Variants in ANGPT1 observed in about 807,000 individuals in gnomAD.
ANGPT1 encodes angiopoietin 1.
Under a neutral mutation model 62.2 loss-of-function variants are expected in ANGPT1, and 17 were observed. That is an observed-to-expected ratio of 0.27 (90% CI 0.19 to 0.41). The LOEUF (loss-of-function observed/expected upper bound fraction) is 0.41, where lower values mean the gene tolerates loss of function less well. ANGPT1 is among the 10% of genes least tolerant of loss of function. The pLI, the probability that ANGPT1 is intolerant of heterozygous loss-of-function variation, is 1.00. For synonymous variants in ANGPT1, 199 were observed against 198.9 expected, an observed-to-expected ratio of 1.00 and a Z score of 0.00; for missense variants, 478 against 594.9, an observed-to-expected ratio of 0.80 and a Z score of 2.04.
chr8:107,458,642 T>C (rs973889875), intron 1 of ANGPT1, among the ~76,000 whole-genome samples: 6 of 152,182 alleles, frequency 3.9e-5, no homozygotes, highest in Non-Finnish European at 7.3e-5. Context: ...AATGTTATAC[T>C]ATGTTTGATG....
intron 1 of ANGPT1, among the ~76,000 whole-genome samples, chr8:107,389,775 C>G (rs1251346096): frequency 6.6e-6 from 1 of 152,038 alleles, no homozygotes; most frequent in Admixed American, 6.6e-5. Flanking sequence ...ATGTATAGCA[C>G]AGAGTAAATT....
chr8:107,276,828 G>T lies in ANGPT1; in HGVS notation c.1205+7854C>A, dbSNP rs1813879085. ...AAATTACATCAAACTACTTCCCAAT[G>T]AAGATCTTGGCCAAAAACAAACTTG... On this transcript the variant is annotated intron_variant, in intron 7 of 8. Transcript: ENST00000517746. Among the ~76,000 whole-genome samples the T allele has an allele frequency of 2.6e-5, 4 of 152,112 alleles. No homozygotes were observed. In the South Asian group the frequency reaches 8.3e-4, roughly 32 times the overall value.
At chr8:107,290,615 T>A (rs954751061) in intron 6 of ANGPT1, among the ~76,000 whole-genome samples, 6 of 152,244 alleles carry the variant, frequency 3.9e-5, no homozygotes, top group Non-Finnish European at 7.3e-5. Context: ...TCTTGTAACA[T>A]ATGATGAATA....
chr8:107,420,066 AT>A (rs1486817141), intron 1 of ANGPT1, among the ~76,000 whole-genome samples: 1 of 152,224 alleles, frequency 6.6e-6, no homozygotes, highest in Non-Finnish European at 1.5e-5. Context: ...CTCAGATACC[AT>A]GAAGCTTTTA....
chr8:107,446,467 A>G (rs1018057246), intron 1 of ANGPT1, among the ~76,000 whole-genome samples: 3 of 152,202 alleles, frequency 2.0e-5, no homozygotes, highest in African/African-American at 7.2e-5. Context: ...GCCAAGGAAC[A>G]GTTTAATTTT....
intron 6 of ANGPT1, 57 bp downstream of exon 6, chr8:107,293,879 G>A (rs1253531036): frequency 2.1e-5 from 28 of 1,365,484 alleles, no homozygotes; most frequent in African/African-American, 5.8e-5. Flanking sequence ...CATATAGTAT[G>A]GAGAAGATAA....
At chr8:107,262,480 T>A (rs575323408) in intron 8 of ANGPT1, among the ~76,000 whole-genome samples, 40 of 152,340 alleles carry the variant, frequency 2.6e-4, no homozygotes, top group African/African-American at 9.1e-4. Flanking sequence ...ATTTTCCTCA[T>A]GTACAACATA....
chr8:107,348,008 C>T (rs77139871), intron 1 of ANGPT1, among the ~76,000 whole-genome samples: 1 of 152,286 alleles, frequency 6.6e-6, no homozygotes, highest in African/African-American at 2.4e-5. Flanking sequence ...CTGCACCTCC[C>T]TGTCAGTGCA....
intron 6 of ANGPT1, among the ~76,000 whole-genome samples, chr8:107,291,797 C>T (rs532241870): frequency 6.7e-5 from 10 of 150,080 alleles, no homozygotes; most frequent in African/African-American, 2.2e-4. Flanking sequence ...TTAGAATCAC[C>T]TAGGTAGGAA....
intron 1 of ANGPT1, among the ~76,000 whole-genome samples, chr8:107,435,480 C>T (rs745704694): frequency 6.6e-6 from 1 of 152,158 alleles, no homozygotes; most frequent in Non-Finnish European, 1.5e-5. Flanking sequence ...AGGTCTGGTG[C>T]TAGGCCCATA....
intron 1 of ANGPT1, among the ~76,000 whole-genome samples, chr8:107,483,194 C>A (rs1257442061): frequency 1.3e-5 from 2 of 152,100 alleles, no homozygotes; most frequent in African/African-American, 2.4e-5. Context: ...TCCCTAATGA[C>A]CTTTTCCTTG....
chr8:107,397,383 A>G (rs564539264), intron 1 of ANGPT1, among the ~76,000 whole-genome samples: 1 of 152,254 alleles, frequency 6.6e-6, no homozygotes, highest in South Asian at 2.1e-4. Context: ...TGACTCATAC[A>G]AATATTTCCC....
chr8:107,441,692 G>C (rs1291194160), intron 1 of ANGPT1, among the ~76,000 whole-genome samples: 1 of 152,152 alleles, frequency 6.6e-6, no homozygotes, highest in Non-Finnish European at 1.5e-5. Flanking sequence ...TAACCTCCGA[G>C]TCCTTTGTGA....
At chr8:107,355,081 TA>T (rs1816014290) in intron 1 of ANGPT1, among the ~76,000 whole-genome samples, 1 of 148,144 alleles carries the variant, frequency 6.8e-6, no homozygotes, top group South Asian at 2.2e-4. Flanking sequence ...TTTGTTTTTT[TA>T]GTAGAGACAG....
chr8:107,326,682 C>A (rs1255282656), intron 3 of ANGPT1, among the ~76,000 whole-genome samples: 1 of 152,120 alleles, frequency 6.6e-6, no homozygotes, highest in African/African-American at 2.4e-5. Flanking sequence ...TACTTATTAT[C>A]TTATTCTTGT....
chr8:107,255,123 G>A (rs1813328600), intron 8 of ANGPT1, among the ~76,000 whole-genome samples: 1 of 152,096 alleles, frequency 6.6e-6, no homozygotes, highest in Admixed American at 6.5e-5. Context: ...CAAACAAAAT[G>A]CTACACATTG....
At chr8:107,293,041 G>A (rs1044687041) in intron 6 of ANGPT1, among the ~76,000 whole-genome samples, 1 of 152,084 alleles carries the variant, frequency 6.6e-6, no homozygotes, top group Non-Finnish European at 1.5e-5. Flanking sequence ...TGTAGGCACC[G>A]ACTATGTGAT....
At chr8:107,432,895 T>C (rs907033000) in intron 1 of ANGPT1, among the ~76,000 whole-genome samples, 34 of 152,280 alleles carry the variant, frequency 2.2e-4, no homozygotes, top group African/African-American at 7.7e-4. Flanking sequence ...TCTTCTGGTT[T>C]AATCGTTCTT....
Position 107,251,450 on chromosome 8 carries a change from G to T in ANGPT1, c.*405C>A. Reference sequence around the variant, plus strand: ...TAATACATCTTTTCCAAAGGATTATGGCAGGCTTGTTTCTATTCTTCATGT... The same window carrying T: ...TAATACATCTTTTCCAAAGGATTATTGCAGGCTTGTTTCTATTCTTCATGT... On this transcript the variant is annotated 3_prime_UTR_variant, in exon 9 of 9. Coordinates refer to ENST00000517746, the MANE Select transcript of ANGPT1 (RefSeq NM_001146.5). The T allele has an allele frequency of 5.9e-6, 1 of 168,488 alleles. No individual in the cohort carries two copies. The highest frequency in any genetic ancestry group is 1.3e-5 in the Non-Finnish European group (1 of 76,962). 10.4% of individuals were successfully genotyped at this position (168,488 alleles called of 1,614,324 possible).
Sources: allele counts gnomAD v4.1 joint callset (sites outside exome capture counted in the v4.1 genomes callset), GRCh38; gene constraint gnomAD v4.1.1; transcripts MANE v1.5; gene names NCBI Gene and HGNC (gene_info 2026-07-23, HGNC 2026-07-21).